CCDC13: variants seen among roughly 807,000 people sequenced by gnomAD.
The protein encoded by CCDC13 is coiled-coil domain-containing protein 13.
Under a neutral mutation model 87.3 loss-of-function variants are expected in CCDC13, and 70 were observed. The observed-to-expected ratio is 0.80, with a 90% confidence interval of 0.66 to 0.98. The LOEUF is 0.98. Ranked by LOEUF, CCDC13 falls within the 50% of genes least tolerant of loss-of-function variation. CCDC13 has a pLI of 0.00. For synonymous variants in CCDC13, 317 were observed against 360.3 expected (o/e 0.88, Z 1.36); for missense variants, 842 against 892.0 (o/e 0.94, Z 0.71).
At chr3:42,762,746 A>G (rs1699860305) in intron 1 of CCDC13, among the ~76,000 whole-genome samples, 1 of 152,176 alleles carries the variant, frequency 6.6e-6, no homozygotes, top group Non-Finnish European at 1.5e-5. Flanking sequence ...TAAACAATAC[A>G]TGTGAGTATA....
intron 9 of CCDC13, 51 bp from the exon 10 acceptor site, chr3:42,735,964 C>T (rs377612468): frequency 3.5e-5 from 54 of 1,554,914 alleles, no homozygotes; most frequent in East Asian, 2.4e-5. Context: ...CCCTTTGGGC[C>T]GGGGAGGACA....
chr3:42,709,123 C>T lies in CCDC13; in HGVS notation c.2005G>A (p.Glu669Lys). The stretch of plus-strand genomic sequence containing the variant: ...GCAGCCTTTAGCATTTCATTCTCCT[C>T]CACCTGGATGGCCAGCCTGGACCAC... ...ELTTRLAIQV[E>K]ENEMLKAALG... Residue 669 changes from glutamate (E) to lysine (K), a missense_variant, in exon 16 of 16, where the codon GAG becomes AAG. Glu to Lys is a moderately conservative substitution (Grantham distance 56, BLOSUM62 1). Transcript: ENST00000310232. 1.2e-6 allele frequency: 2 copies of T among 1,612,010 alleles called. No homozygotes were observed. Among genetic ancestry groups the T allele is most frequent in the East Asian group, 4.5e-5 (2 of 44,788 alleles).
chr3:42,749,747 C>T (rs1055378330), intron 5 of CCDC13: 15 of 389,988 alleles, frequency 3.8e-5, no homozygotes, highest in African/African-American at 2.5e-4. Context: ...CTCCCCTACC[C>T]GAGGCTGTTT....
rs114102606 is a variant in CCDC13, at chr3:42,747,838, C to T, written c.604-465G>A. Reference sequence around the variant, plus strand: ...AGAATAAAGAGGAAACCACGTTATTCCCCGAAGGCAAGCCCAGCGTGGCAG... The same window carrying T: ...AGAATAAAGAGGAAACCACGTTATTTCCCGAAGGCAAGCCCAGCGTGGCAG... On this transcript the variant is annotated intron_variant, in intron 5 of 15. Coordinates refer to ENST00000310232, the MANE Select transcript of CCDC13 (RefSeq NM_144719.4). Among the ~76,000 whole-genome samples, 381 of 152,326 alleles carry T rather than the reference C, an allele frequency of 2.5e-3. 3 individuals carry two copies. The highest frequency in any genetic ancestry group is 8.8e-3 in the African/African-American group (367 of 41,566).
At position 42,716,577 on chromosome 3, in the gene CCDC13, A is replaced by G. The variant is rs1559637365; in HGVS notation, c.1719-3261T>C. On this transcript the variant is annotated intron_variant, in intron 13 of 15. Coordinates refer to ENST00000310232, the MANE Select transcript of CCDC13 (RefSeq NM_144719.4). ...GAAAATATACAAATGTCCAATAAGCACATAAATAGATGCTCAACATCATTA... is the reference window on the plus strand; with the variant it reads ...GAAAATATACAAATGTCCAATAAGCGCATAAATAGATGCTCAACATCATTA... Among the ~76,000 whole-genome samples, 3 of 152,270 alleles carry G rather than the reference A, an allele frequency of 2.0e-5. No individual in the cohort carries two copies. The South Asian group carries it at 6.2e-4, about 31-fold the overall frequency.
At chr3:42,744,532 G>A (rs574987473) in intron 7 of CCDC13, among the ~76,000 whole-genome samples, 1 of 152,268 alleles carries the variant, frequency 6.6e-6, no homozygotes, top group African/African-American at 2.4e-5. Context: ...AGGGCCGGGC[G>A]TGGTGGCTCA....
intron 13 of CCDC13, among the ~76,000 whole-genome samples, chr3:42,726,186 T>C (rs1294157004): frequency 6.6e-6 from 1 of 151,970 alleles, no homozygotes; most frequent in Non-Finnish European, 1.5e-5. Flanking sequence ...GGATTACAGG[T>C]GCCTGCCACC....
intron 3 of CCDC13, among the ~76,000 whole-genome samples, chr3:42,756,662 G>A (rs1417185950): frequency 6.6e-6 from 1 of 151,782 alleles, no homozygotes; most frequent in Non-Finnish European, 1.5e-5. Flanking sequence ...GCTCACTGCA[G>A]GCTGCTGGGC....
chr3:42,743,118 A>C (rs1052709019), intron 7 of CCDC13, 61 bp from the exon 8 acceptor site: 4 of 1,592,590 alleles, frequency 2.5e-6, no homozygotes, highest in Non-Finnish European at 3.4e-6. Context: ...TCTACTCAGA[A>C]GTGTGATAGG....
rs544548710 is a variant in CCDC13 at position 42,721,676 on chromosome 3, G to A, written c.1719-8360C>T. On this transcript the variant is annotated intron_variant, in intron 13 of 15. Transcript: ENST00000310232. ...GTGAGTATTCTTAACTTATGGCAAC[G>A]TAGTTATTTGCATAATTGCAATACA... Among the ~76,000 whole-genome samples the A allele has an allele frequency of 1.7e-4, 26 of 152,332 alleles. 1 individual carries two copies. Among genetic ancestry groups the A allele is most frequent in the Admixed American group, 1.0e-3 (16 of 15,296 alleles).
Position 42,733,529 on chromosome 3 carries a change from T to C in CCDC13, c.1452A>G (p.Pro484=). The change falls in exon 11 of 16, where the codon CCA becomes CCG. Residue 484 remains proline, a synonymous_variant. Coordinates refer to ENST00000310232, the MANE Select transcript of CCDC13 (RefSeq NM_144719.4). ...CTGAGGCCGGGGACTTGGTCAGGCC[T>C]GGGTCCTCCAGGAACTGGGTATAGG... ...SPAYTQFLED[P]GLTKSPASAG... The C allele has an allele frequency of 6.2e-7, 1 of 1,614,076 alleles. No individual in the cohort carries two copies. Among genetic ancestry groups the C allele is most frequent in the East Asian group, 2.2e-5 (1 of 44,844 alleles).
rs914359069 is a variant in CCDC13, at chr3:42,707,857, G to C, written c.*1123C>G. On this transcript the variant is annotated 3_prime_UTR_variant, in exon 16 of 16. Coordinates refer to ENST00000310232, the MANE Select transcript of CCDC13 (RefSeq NM_144719.4). ...GCACCTGTGTGGCCAGGGTGTCGGA[G>C]TTGGGGTGTGTGGCTATGAGTGACC... Among the ~76,000 whole-genome samples, 2 of 152,236 alleles carry C rather than the reference G, an allele frequency of 1.3e-5. No homozygotes were observed. The highest frequency in any genetic ancestry group is 4.8e-5 in the African/African-American group (2 of 41,466).
At chr3:42,711,745 CA>C (rs1317590529) in intron 14 of CCDC13, among the ~76,000 whole-genome samples, 2 of 152,170 alleles carry the variant, frequency 1.3e-5, no homozygotes, top group Non-Finnish European at 2.9e-5. Context: ...ACGGATGGGC[CA>C]GGGGGAGGCG....
chr3:42,734,456 C>T (rs1248546810), intron 10 of CCDC13, among the ~76,000 whole-genome samples: 2 of 152,148 alleles, frequency 1.3e-5, no homozygotes, highest in Non-Finnish European at 2.9e-5. Context: ...CCATTCACTG[C>T]CGTATGTGCT....
rs1696837075 is a variant in CCDC13, at chr3:42,742,934, T to A, written c.949A>T (p.Ile317Phe). 1 of 1,614,028 alleles carries A rather than the reference T, an allele frequency of 6.2e-7. No homozygotes were observed. Among genetic ancestry groups the A allele is most frequent in the Non-Finnish European group, 8.5e-7 (1 of 1,180,012 alleles). ...TGTTTTTCCCTTTCCAGGCTGCGGA[T>A]CCTCAGCAGGTTTTTCTCCTGTGCC... ...LSAQEKNLLR[I>F]RSLEREKQEG... The change falls in exon 8 of 16, where the codon ATC (isoleucine) becomes TTC (phenylalanine). Residue 317 changes from isoleucine (I) to phenylalanine (F), a missense_variant. Ile to Phe is a conservative substitution (Grantham distance 21). Transcript: ENST00000310232.
intron 1 of CCDC13, among the ~76,000 whole-genome samples, chr3:42,768,264 G>A (rs933705862): frequency 3.3e-5 from 5 of 152,142 alleles, no homozygotes; most frequent in African/African-American, 9.7e-5. Flanking sequence ...GGTAATACAG[G>A]AGAAAATCTA....
intron 3 of CCDC13, 94 bp from the exon 4 acceptor site, chr3:42,752,811 A>C: frequency 6.7e-7 from 1 of 1,481,806 alleles, no homozygotes; most frequent in Non-Finnish European, 9.2e-7. Context: ...CTTAAAAGCT[A>C]AAGCTGCTTG....
chr3:42,725,842 TCATAAAATCA>T (rs1698673787), intron 13 of CCDC13, among the ~76,000 whole-genome samples: 1 of 151,572 alleles, frequency 6.6e-6, no homozygotes, highest in African/African-American at 2.4e-5. Flanking sequence ...GAAGATAAGC[TCATAAAATCA>T]CAAAAATTGA....
chr3:42,760,595 C>T (rs1221648780), intron 1 of CCDC13, among the ~76,000 whole-genome samples: 1 of 148,924 alleles, frequency 6.7e-6, no homozygotes, highest in Admixed American at 6.7e-5. Flanking sequence ...CCAGCCTGGG[C>T]GAGGTTGCAG....
Sources: gnomAD v4.1 joint callset for allele counts (sites outside exome capture counted in the v4.1 genomes callset) on GRCh38, gnomAD v4.1.1 for gene constraint, MANE v1.5 for transcripts, NCBI Gene and HGNC (gene_info 2026-07-23, HGNC 2026-07-21) for gene names.